The following EVA1A variants were observed in gnomAD, a reference collection of about 807,000 sequenced individuals.
The protein encoded by EVA1A is eva-1 homolog A, regulator of programmed cell death, also known as protein eva-1 homolog A.
Under a neutral mutation model 9.8 loss-of-function variants are expected in EVA1A, and 7 were observed. The ratio of observed to expected loss-of-function variants is 0.71; its 90% CI spans 0.41 to 1.34. EVA1A has a LOEUF of 1.34. EVA1A is among the 40% of genes most tolerant of loss of function. The probability of loss-of-function intolerance (pLI) is 0.01; values close to 1 mark genes in which losing one functional copy is unlikely to be tolerated. For synonymous variants in EVA1A, 90 were observed against 85.6 expected (o/e 1.05, Z -0.28); for missense variants, 206 against 205.9 (o/e 1.00, Z 0.00).
chr2:75,542,819 A>G (rs774280591), intron 1 of EVA1A: 1 of 152,210 alleles, frequency 6.6e-6, no homozygotes, highest in Non-Finnish European at 1.5e-5. Context: ...GTTTGTAGGA[A>G]ATGTAACAAA....
At chr2:75,504,616 T>C (rs1330179590) in intron 3 of EVA1A, among the ~76,000 whole-genome samples, 1 of 152,182 alleles carries the variant, frequency 6.6e-6, no homozygotes, top group Non-Finnish European at 1.5e-5. Flanking sequence ...TGATGTGTGC[T>C]CCTTTAAATT....
At chr2:75,507,999 C>T (rs1277744129) in intron 3 of EVA1A, among the ~76,000 whole-genome samples, 1 of 152,210 alleles carries the variant, frequency 6.6e-6, no homozygotes, top group African/African-American at 2.4e-5. Flanking sequence ...CCTCTCTTTA[C>T]TGCAATCTCT....
At chr2:75,512,625 C>T (rs1196192898) in intron 3 of EVA1A, among the ~76,000 whole-genome samples, 1 of 152,180 alleles carries the variant, frequency 6.6e-6, no homozygotes, top group African/African-American at 2.4e-5. Context: ...ATTAAAAGCT[C>T]TGGTAAGCCA....
intron 2 of EVA1A, chr2:75,518,846 C>G: frequency 1.0e-6 from 1 of 985,484 alleles, no homozygotes; most frequent in Non-Finnish European, 1.2e-6. Context: ...TAAATGTGTG[C>G]CTTTGGCAGT....
rs557298295 is a variant in EVA1A, at chr2:75,552,729, A to C, written c.-192+7951T>G. ...ATCCATAAGGGAGGAAGTAGAGTCC[A>C]CTGTTTTCAGATAAGACAGAGGCTC... On this transcript the variant is annotated intron_variant, in intron 1 of 3. Coordinates refer to ENST00000393913, the MANE Select transcript of EVA1A (RefSeq NM_001135032.2). Among the ~76,000 whole-genome samples, 14 of 152,284 alleles carry C rather than the reference A, an allele frequency of 9.2e-5. No individual in the cohort carries two copies. The South Asian group carries it at 1.0e-3, about 11-fold the overall frequency.
At chr2:75,503,435 T>C (rs1310409333) in intron 3 of EVA1A, among the ~76,000 whole-genome samples, 1 of 152,190 alleles carries the variant, frequency 6.6e-6, no homozygotes. Flanking sequence ...TGCAGGGTCA[T>C]TGTTTTCACG....
chr2:75,546,865 G>A (rs545241258), intron 1 of EVA1A, among the ~76,000 whole-genome samples: 10 of 134,966 alleles, frequency 7.4e-5, no homozygotes, highest in Non-Finnish European at 9.1e-5. Context: ...CACACACAGC[G>A]AAGATGATGT....
At chr2:75,523,526 G>A (rs1036637542) in intron 1 of EVA1A, among the ~76,000 whole-genome samples, 12 of 152,154 alleles carry the variant, frequency 7.9e-5, no homozygotes, top group Admixed American at 5.2e-4. Context: ...GAGAAACCCC[G>A]ATTTTCTTTG....
chr2:75,517,917 A>C, intron 3 of EVA1A, 139 bp downstream of exon 3: 1 of 1,007,760 alleles, frequency 9.9e-7, no homozygotes, highest in Admixed American at 2.0e-5. Context: ...TTTCATCTCA[A>C]AGCTCAGCAA....
In EVA1A at chr2:75,493,536, C is replaced by T. The variant is rs774285894; in HGVS notation, c.159G>A (p.Leu53=). The T allele has an allele frequency of 3.1e-6, 5 of 1,614,160 alleles. No individual in the cohort carries two copies. The South Asian group carries it at 5.5e-5, about 18-fold the overall frequency. The part of the protein sequence containing the change: ...CIGLVLTLAA[L]VIRISCHTDC... Reference sequence around the variant, plus strand: ...CTGTGTGGCAAGAGATCCTTATCACCAGAGCAGCCAGGGTCAGCACCAGCC... The same window carrying T: ...CTGTGTGGCAAGAGATCCTTATCACTAGAGCAGCCAGGGTCAGCACCAGCC... The change falls in exon 4 of 4, where the codon CTG becomes CTA. Residue 53 remains leucine (L), a synonymous_variant. Coordinates refer to ENST00000393913, the MANE Select transcript of EVA1A (RefSeq NM_001135032.2).
At chr2:75,512,060 T>C (rs113722346) in intron 3 of EVA1A, among the ~76,000 whole-genome samples, 1,665 of 152,058 alleles carry the variant, frequency 0.011, 22 homozygotes, top group African/African-American at 0.038. Context: ...AAGCTACACA[T>C]ATTTATGGGG....
chr2:75,528,601 A>AG (rs979479588), intron 1 of EVA1A, among the ~76,000 whole-genome samples: 1 of 152,164 alleles, frequency 6.6e-6, no homozygotes, highest in African/African-American at 2.4e-5. Flanking sequence ...CCGTCCCCCC[A>AG]GGTGGTCTCT....
At position 75,556,716 on chromosome 2, in the gene EVA1A, G is replaced by A. The variant is rs147244085; in HGVS notation, c.-192+3964C>T. 8.5e-4 allele frequency among the ~76,000 whole-genome samples: 129 copies of A among 152,202 alleles called. 1 individual carries two copies. Among genetic ancestry groups the A allele is most frequent in the African/African-American group, 2.4e-3 (98 of 41,532 alleles). On this transcript the variant is annotated intron_variant, in intron 1 of 3. Coordinates refer to ENST00000393913, the MANE Select transcript of EVA1A (RefSeq NM_001135032.2). ...GTTTCCTAGAAGACAATTTTTCCAC[G>A]GATAGGGGGAGATGGTTTCAGGATG...
At chr2:75,540,647 T>A (rs1186978351) in intron 1 of EVA1A, 1 of 152,184 alleles carries the variant, frequency 6.6e-6, no homozygotes, top group East Asian at 1.9e-4. Flanking sequence ...GTCTTCAGAA[T>A]GAGAAGAAAG....
chr2:75,548,986 ATAT>A (rs1676427779), intron 1 of EVA1A, among the ~76,000 whole-genome samples: 2 of 92,260 alleles, frequency 2.2e-5, no homozygotes, highest in African/African-American at 5.0e-5. Context: ...AATGAAAAAT[ATAT>A]ATATATATAT....
chr2:75,532,355 C>T (rs570588237), intron 1 of EVA1A, among the ~76,000 whole-genome samples: 1 of 151,978 alleles, frequency 6.6e-6, no homozygotes, highest in Non-Finnish European at 1.5e-5. Flanking sequence ...GTGAGTGAAA[C>T]TTGGTATTGT....
At chr2:75,527,158 A>C (rs568317169) in intron 1 of EVA1A, among the ~76,000 whole-genome samples, 1 of 152,266 alleles carries the variant, frequency 6.6e-6, no homozygotes, top group South Asian at 2.1e-4. Context: ...ATCATTTTAA[A>C]AAACAAAAAA....
upstream of EVA1A, among the ~76,000 whole-genome samples, chr2:75,562,094 A>AT: frequency 6.6e-6 from 1 of 152,318 alleles, no homozygotes; most frequent in Non-Finnish European, 1.5e-5. Flanking sequence ...GAACCACTGG[A>AT]TTAGTATCTG....
intron 1 of EVA1A, among the ~76,000 whole-genome samples, chr2:75,569,048 C>T (rs1363611518): frequency 6.6e-6 from 1 of 152,170 alleles, no homozygotes; most frequent in Non-Finnish European, 1.5e-5. Context: ...TTTAAAGAAT[C>T]TCCGTACTGT....
Sources: allele counts gnomAD v4.1 joint callset (sites outside exome capture counted in the v4.1 genomes callset), GRCh38; gene constraint gnomAD v4.1.1; transcripts MANE v1.5; gene names NCBI Gene and HGNC (gene_info 2026-07-23, HGNC 2026-07-21).